Variants in SCOC observed in about 807,000 individuals in gnomAD.
The protein encoded by SCOC is short coiled coil protein.
In SCOC, 7 loss-of-function variants were observed where a neutral mutation model predicts 9.9. That is an observed-to-expected ratio of 0.71 (90% confidence interval 0.40 to 1.33). The LOEUF (loss-of-function observed/expected upper bound fraction) is 1.33. Ranked by LOEUF, SCOC falls within the 40% of genes most tolerant of loss-of-function variation. The pLI is 0.01. For synonymous variants in SCOC, 19 were observed against 28.2 expected, an observed-to-expected ratio of 0.67 and a Z score of 1.03; for missense variants, 66 against 89.7, an observed-to-expected ratio of 0.74 and a Z score of 1.07.
chr4:140,265,381 G>A (rs1345312198), intron 1 of SCOC, among the ~76,000 whole-genome samples: 1 of 152,186 alleles, frequency 6.6e-6, no homozygotes, highest in Non-Finnish European at 1.5e-5. Context: ...TCGGTATATT[G>A]CATGTATCTT....
intron 2 of SCOC, among the ~76,000 whole-genome samples, chr4:140,355,211 T>TTATATATATATATATATA (rs34322076): frequency 8.1e-5 from 5 of 61,388 alleles, no homozygotes; most frequent in Admixed American, 1.9e-4. Context: ...CATTATATTT[T>TTATATATATATATATATA]TATATATATA....
chr4:140,309,294 C>T (rs1482622302), intron 1 of SCOC, among the ~76,000 whole-genome samples: 1 of 152,208 alleles, frequency 6.6e-6, no homozygotes, highest in Admixed American at 6.5e-5. Context: ...CCTCACCTCA[C>T]AGCTGGCCAT....
chr4:140,342,995 A>C (rs1261198915), upstream of SCOC, among the ~76,000 whole-genome samples: 7 of 144,252 alleles, frequency 4.9e-5, no homozygotes, highest in Non-Finnish European at 6.0e-5. Context: ...TTATTTCTTC[A>C]TATATATTTC....
rs1369250743 is a variant in SCOC, at chr4:140,353,996, T to C, written c.70+10288T>C. On this transcript the variant is annotated intron_variant, in intron 2 of 4. Coordinates refer to the SCOC transcript ENST00000338517. ...GCACATGCGTGGTTTTCATTGCTCGTAGTGTGACGTTAGTAAAAGTTGTTT... is the reference window on the plus strand; with the variant it reads ...GCACATGCGTGGTTTTCATTGCTCGCAGTGTGACGTTAGTAAAAGTTGTTT... Among the ~76,000 whole-genome samples, 7 of 152,280 alleles carry C rather than the reference T, an allele frequency of 4.6e-5. No individual in the cohort carries two copies. In the East Asian group the frequency reaches 1.3e-3, roughly 29 times the overall value.
intron 1 of SCOC, among the ~76,000 whole-genome samples, chr4:140,305,128 C>T (rs1243106074): frequency 6.6e-6 from 1 of 152,158 alleles, no homozygotes; most frequent in East Asian, 1.9e-4. Context: ...AGAGTTTAAG[C>T]ACACAAGGCC....
chr4:140,292,089 G>A (rs926309757), intron 1 of SCOC, among the ~76,000 whole-genome samples: 5 of 151,802 alleles, frequency 3.3e-5, no homozygotes, highest in Admixed American at 1.3e-4. Context: ...TTTGATTGTG[G>A]CAGCATCCTC....
At chr4:140,295,469 C>T (rs1458082458) in intron 1 of SCOC, among the ~76,000 whole-genome samples, 1 of 152,130 alleles carries the variant, frequency 6.6e-6, no homozygotes, top group Non-Finnish European at 1.5e-5. Flanking sequence ...GTTGGGCTGG[C>T]CAAGTGGGAT....
intron 1 of SCOC, among the ~76,000 whole-genome samples, chr4:140,279,304 G>A (rs1229928334): frequency 6.6e-6 from 1 of 152,158 alleles, no homozygotes; most frequent in African/African-American, 2.4e-5. Context: ...GTTTCATCAA[G>A]AGAACTCATA....
At chr4:140,374,403 C>G (rs1728238533) in intron 1 of SCOC, 5 of 315,046 alleles carry the variant, frequency 1.6e-5, no homozygotes, top group South Asian at 1.2e-4. Flanking sequence ...AACACGTTTT[C>G]TATGCCCGAG....
At chr4:140,309,277 G>C (rs890161046) in intron 1 of SCOC, among the ~76,000 whole-genome samples, 15 of 152,230 alleles carry the variant, frequency 9.9e-5, no homozygotes, top group Non-Finnish European at 1.8e-4. Flanking sequence ...GTGCCCAGCA[G>C]GTGGAGCCTC....
At position 140,375,703 on chromosome 4, in the gene SCOC, A is replaced by C. The variant is rs191902764; in HGVS notation, c.-51+1986A>C. The stretch of plus-strand genomic sequence containing the variant: ...ACATTTCCTGGTTTGTATTCTCTCT[A>C]TGCGTTCTGCCTCCTGGACTTAAAT... On this transcript the variant is annotated intron_variant, in intron 1 of 3. Coordinates refer to ENST00000608372, the MANE Select transcript of SCOC (RefSeq NM_001153484.2). 3.2e-3 allele frequency among the ~76,000 whole-genome samples: 484 copies of C among 152,300 alleles called. 5 individuals carry two copies. Among genetic ancestry groups the C allele is most frequent in the African/African-American group, 0.011 (457 of 41,548 alleles).
rs1414523311 is a variant in SCOC, at chr4:140,326,384, CA to C, written c.-18-17235del. 2.0e-5 allele frequency among the ~76,000 whole-genome samples: 3 copies of C among 151,718 alleles called. No individual in the cohort carries two copies. The East Asian group carries it at 5.8e-4, about 29-fold the overall frequency. On this transcript the variant is annotated intron_variant, in intron 1 of 4. Coordinates refer to the SCOC transcript ENST00000394205. Reference sequence around the variant, plus strand: ...ATGTTTAGGGGGAGATCCCAATAGGCAACACAGAAAAAAGTTATTTGCTGAG... The same window carrying C: ...ATGTTTAGGGGGAGATCCCAATAGGCACACAGAAAAAAGTTATTTGCTGAG...
upstream of SCOC, among the ~76,000 whole-genome samples, chr4:140,370,206 T>C (rs1018411981): frequency 2.6e-5 from 4 of 152,168 alleles, no homozygotes; most frequent in Admixed American, 2.6e-4. Flanking sequence ...CTAGTTTAAT[T>C]TGTGGGTAGA....
At chr4:140,303,408 C>G (rs1731869916) in intron 1 of SCOC, among the ~76,000 whole-genome samples, 1 of 152,214 alleles carries the variant, frequency 6.6e-6, no homozygotes, top group Non-Finnish European at 1.5e-5. Context: ...AATGGGACCT[C>G]AGGCCCTGTG....
chr4:140,321,987 C>T (rs1460105883), intron 1 of SCOC, among the ~76,000 whole-genome samples: 1 of 152,166 alleles, frequency 6.6e-6, no homozygotes, highest in African/African-American at 2.4e-5. Context: ...TGCTCCCTTC[C>T]ACCTCCTGCC....
chr4:140,362,736 G>C (rs908212684), intron 2 of SCOC: 6 of 152,104 alleles, frequency 3.9e-5, no homozygotes, highest in African/African-American at 1.4e-4. Context: ...TTAATCTCCA[G>C]CTGGTGTGGT....
In SCOC at chr4:140,301,001, G is replaced by A. The variant is rs1443560364; in HGVS notation, c.-18-42620G>A. On this transcript the variant is annotated intron_variant, in intron 1 of 4. Transcript: ENST00000394205. ...CTTCTTAACATGCCTCAAAAAATGGGAGCCCAAAGAAGGGACCTTTGCCTC... is the reference window on the plus strand; with the variant it reads ...CTTCTTAACATGCCTCAAAAAATGGAAGCCCAAAGAAGGGACCTTTGCCTC... 2.0e-5 allele frequency among the ~76,000 whole-genome samples: 3 copies of A among 152,150 alleles called. No individual in the cohort carries two copies. In the East Asian group the frequency reaches 5.8e-4, roughly 29 times the overall value.
rs1384290784 is a variant in SCOC, at chr4:140,381,257, A to G, written c.*153A>G. 2.7e-5 allele frequency: 18 copies of G among 668,698 alleles called. No individual in the cohort carries two copies. The Admixed American group carries it at 6.4e-4, about 24-fold the overall frequency. 41.4% of individuals were successfully genotyped at this position (668,698 alleles called of 1,614,324 possible). On this transcript the variant is annotated 3_prime_UTR_variant, in exon 4 of 4. Coordinates refer to ENST00000608372, the MANE Select transcript of SCOC (RefSeq NM_001153484.2). ...GACAAAAATAACACAATAACAGGAG[A>G]CTTCCATAAGTTTGTGTATTATGTT...
upstream of SCOC, among the ~76,000 whole-genome samples, chr4:140,341,462 C>T (rs2126508619): frequency 6.6e-6 from 1 of 152,284 alleles, no homozygotes; most frequent in East Asian, 1.9e-4. Flanking sequence ...CTCTACATGC[C>T]TCAGCTCCCT....
Sources: allele counts gnomAD v4.1 joint callset (sites outside exome capture counted in the v4.1 genomes callset), GRCh38; gene constraint gnomAD v4.1.1; transcripts MANE v1.5; gene names NCBI Gene and HGNC (gene_info 2026-07-23, HGNC 2026-07-21).